STEAP3: variants seen among roughly 807,000 people sequenced by gnomAD.
STEAP3 encodes metalloreductase STEAP3.
STEAP3 carries 35 observed loss-of-function variants against 34.9 expected under a neutral mutation model. The ratio of observed to expected loss-of-function variants is 1.00; its 90% CI spans 0.76 to 1.33. The LOEUF (loss-of-function observed/expected upper bound fraction) is 1.33, where lower values mean the gene tolerates loss of function less well. STEAP3 is among the 40% of genes most tolerant of loss of function. STEAP3 has a pLI of 0.00. For missense variants in STEAP3, 652 were observed against 667.6 expected, an observed-to-expected ratio of 0.98 and a Z score of 0.26; for synonymous variants, 281 against 301.6, an observed-to-expected ratio of 0.93 and a Z score of 0.71.
chr2:119,230,828 C>A lies in STEAP3; in HGVS notation c.-185C>A. 1 of 709,224 alleles carries A rather than the reference C, an allele frequency of 1.4e-6. No individual in the cohort carries two copies. The highest frequency in any genetic ancestry group is 2.4e-6 in the Non-Finnish European group (1 of 408,550). The allele number at this position is 709,224 out of a possible 1,614,324, so 43.9% of individuals were successfully genotyped here. A position where few individuals can be genotyped will look rare whatever the true frequency, so the allele number is the denominator to read the frequency against. On this transcript the variant is annotated 5_prime_UTR_variant, in exon 2 of 6. In the 5' UTR this introduces an upstream ATG that the reference lacks. Transcript: ENST00000393110. ...CCGGTCCAGCCCCTGTGGCCAAGAG[C>A]TGGCGTGCAGGCTGCGGGAGGCAGC...
chr2:119,263,366 G>C lies in STEAP3; in HGVS notation c.*28G>C. 6.2e-7 allele frequency: 1 copy of C among 1,602,768 alleles called. No individual in the cohort carries two copies. The highest frequency in any genetic ancestry group is 8.5e-7 in the Non-Finnish European group (1 of 1,175,042). On this transcript the variant is annotated 3_prime_UTR_variant, in exon 6 of 6. Transcript: ENST00000393110. Reference sequence around the variant, plus strand: ...TGCCTGCCCTGGGCTCTGGACCCCGGGCACACGAGGGACGGTGCCCTGAGC... The same window carrying C: ...TGCCTGCCCTGGGCTCTGGACCCCGCGCACACGAGGGACGGTGCCCTGAGC...
intron 2 of STEAP3, among the ~76,000 whole-genome samples, chr2:119,239,853 G>A (rs1225421830): frequency 6.6e-6 from 1 of 152,158 alleles, no homozygotes; most frequent in East Asian, 1.9e-4. Flanking sequence ...GGATTAGGGA[G>A]GACATACAGA....
Position 119,263,426 on chromosome 2 carries a change from G to T in STEAP3, c.*88G>T. On this transcript the variant is annotated 3_prime_UTR_variant, in exon 6 of 6. Transcript: ENST00000393110. The stretch of plus-strand genomic sequence containing the variant: ...TTTCTTTTCTTGGTGGTGCAAAGTG[G>T]TATAACTGTGTGCAAATAGGAGGTT... 1 of 1,532,500 alleles carries T rather than the reference G, an allele frequency of 6.5e-7. No homozygotes were observed. Among genetic ancestry groups the T allele is most frequent in the Non-Finnish European group, 8.8e-7 (1 of 1,138,652 alleles). The allele number at this position is 1,532,500 out of a possible 1,614,324, so 94.9% of individuals were successfully genotyped here. A position where few individuals can be genotyped will look rare whatever the true frequency, so the allele number is the denominator to read the frequency against.
chr2:119,245,168 C>T, intron 2 of STEAP3: 1 of 358,378 alleles, frequency 2.8e-6, no homozygotes, highest in Non-Finnish European at 5.1e-6. Flanking sequence ...GGCACTGCAT[C>T]ACATTGGTCA....
At chr2:119,227,914 C>T (rs1487071073) in intron 1 of STEAP3, among the ~76,000 whole-genome samples, 1 of 152,104 alleles carries the variant, frequency 6.6e-6, no homozygotes, top group Admixed American at 6.6e-5. Context: ...ACTGCAACCT[C>T]TGCCTCCCGA....
chr2:119,245,402 T>A, intron 2 of STEAP3, 87 bp from the exon 3 acceptor site: 1 of 1,506,370 alleles, frequency 6.6e-7, no homozygotes, highest in Non-Finnish European at 8.9e-7. Context: ...CTGACTGCCG[T>A]GTAGTTACGA....
intron 2 of STEAP3, among the ~76,000 whole-genome samples, chr2:119,236,093 G>C (rs1162184945): frequency 6.6e-6 from 1 of 152,182 alleles, no homozygotes; most frequent in Non-Finnish European, 1.5e-5. Flanking sequence ...CATTATCTTA[G>C]AGCACATTTT....
chr2:119,229,658 G>A (rs1558741183), intron 1 of STEAP3, among the ~76,000 whole-genome samples: 1 of 152,200 alleles, frequency 6.6e-6, no homozygotes, highest in African/African-American at 2.4e-5. Flanking sequence ...TGAATTCAAA[G>A]CCGGGAGAGA....
Position 119,231,008 on chromosome 2 carries a change from G to GC in STEAP3, c.-3dup. The GC allele has an allele frequency of 6.2e-7, 1 of 1,614,222 alleles. No homozygotes were observed. Among genetic ancestry groups the GC allele is most frequent in the Non-Finnish European group, 8.5e-7 (1 of 1,180,046 alleles). ...CTGAGAGCCTCAGACCCTCACGTCA[G>GC]CCGGATGTCGCACCAGCCTGCTGTT... On this transcript the variant is annotated 5_prime_UTR_variant, in exon 2 of 6. Transcript: ENST00000393110.
At position 119,254,751 on chromosome 2, in the gene STEAP3, T is replaced by G. The variant is rs1677726114; in HGVS notation, c.1118T>G (p.Leu373Arg). The G allele has an allele frequency of 6.2e-7, 1 of 1,614,052 alleles. No homozygotes were observed. Among genetic ancestry groups the G allele is most frequent in the Non-Finnish European group, 8.5e-7 (1 of 1,180,028 alleles). Residue 373 changes from leucine (L) to arginine (R), a missense_variant, in exon 5 of 6, where the codon CTG becomes CGG. By Grantham distance (102) the Leu-to-Arg change is moderately radical (BLOSUM62 -2). Transcript: ENST00000393110. ...TGGCGGATGGAGATCTACCTCTCCCTGGGAGTGCTGGCCCTCGGCACGTTG... is the reference window on the plus strand; with the variant it reads ...TGGCGGATGGAGATCTACCTCTCCCGGGGAGTGCTGGCCCTCGGCACGTTG... ...EVWRMEIYLS[L>R]GVLALGTLSL...
At chr2:119,224,755 T>C (rs1178087397) in intron 1 of STEAP3, among the ~76,000 whole-genome samples, 1 of 152,142 alleles carries the variant, frequency 6.6e-6, no homozygotes, top group African/African-American at 2.4e-5. Context: ...GGTATTTCTG[T>C]CCATCAGAGT....
Position 119,248,215 on chromosome 2 carries a change from C to G in STEAP3, c.1050+9C>G. The G allele has an allele frequency of 6.4e-7, 1 of 1,566,202 alleles. No homozygotes were observed. Among genetic ancestry groups the G allele is most frequent in the Non-Finnish European group, 8.7e-7 (1 of 1,154,708 alleles). ...ACCTGGCAGTCAAGCAGGTACCCAC[C>G]CCATGCCCTTCCTCCCTCTGGCAAC... On this transcript the variant is annotated intron_variant, in intron 4 of 5. Transcript: ENST00000393110.
At chr2:119,259,245 T>C (rs1677873330) in intron 5 of STEAP3, among the ~76,000 whole-genome samples, 1 of 152,232 alleles carries the variant, frequency 6.6e-6, no homozygotes, top group Admixed American at 6.5e-5. Flanking sequence ...ACGACCTGGC[T>C]GTTTCTTTTT....
Position 119,245,857 on chromosome 2 carries a change from G to C in STEAP3, c.391G>C (p.Glu131Gln). ...GGATGTGAGCAACCCTACAGAGCAA[G>C]AGCACCTTCAGCATCGTGAGTCCAA... The part of the protein sequence containing the change: ...LVDVSNPTEQ[E>Q]HLQHRESNAE... Residue 131 changes from glutamate to glutamine, a missense_variant, in exon 3 of 6, where the codon GAG (glutamate) becomes CAG (glutamine). By Grantham distance (29) the Glu-to-Gln change is conservative (BLOSUM62 2). Transcript: ENST00000393110. 6.2e-7 allele frequency: 1 copy of C among 1,614,166 alleles called. No individual in the cohort carries two copies. The highest frequency in any genetic ancestry group is 1.3e-5 in the African/African-American group (1 of 75,052).
chr2:119,261,233 G>T (rs540163073), intron 5 of STEAP3, among the ~76,000 whole-genome samples: 9 of 152,240 alleles, frequency 5.9e-5, no homozygotes, highest in Non-Finnish European at 8.8e-5. Context: ...TCTGAGGGGA[G>T]TGCAAATGAG....
At position 119,263,288 on chromosome 2, in the gene STEAP3, T is replaced by C. The variant is rs1678002851; in HGVS notation, c.1447T>C (p.Phe483Leu). ...CTGGGAGAGGGAGAGCACCATCAAG[T>C]TCACGCTGCCCACAGACCACGCCCT... ...RGWERESTIK[F>L]TLPTDHALAE... is the part of the protein sequence containing the mutation. The change falls in exon 6 of 6, where the codon TTC becomes CTC. Residue 483 changes from phenylalanine (F) to leucine (L), a missense_variant. Coordinates refer to ENST00000393110, the MANE Select transcript of STEAP3 (RefSeq NM_182915.3). 1.2e-6 allele frequency: 2 copies of C among 1,613,802 alleles called. No homozygotes were observed. Among genetic ancestry groups the C allele is most frequent in the Non-Finnish European group, 1.7e-6 (2 of 1,179,960 alleles).
rs1677386643 is a variant in STEAP3, at chr2:119,245,543, A to T, written c.77A>T (p.Asp26Val). The T allele has an allele frequency of 6.2e-7, 1 of 1,600,490 alleles. No homozygotes were observed. The highest frequency in any genetic ancestry group is 8.6e-7 in the Non-Finnish European group (1 of 1,169,012). Residue 26 changes from aspartate to valine, a missense_variant, in exon 3 of 6, where the codon GAC (aspartate) becomes GTC (valine). Physicochemically the swap from Asp to Val is radical, Grantham distance 152. Transcript: ENST00000393110. ...DKPLISLHLV[D>V]SDSSLAKVPD... ...CCACTGATCAGCCTCCACCTGGTGG[A>T]CAGCGATAGTAGCCTTGCCAAGGTC... is the stretch of plus-strand genomic sequence containing the variant.
chr2:119,236,388 T>G (rs1369678800), intron 2 of STEAP3, among the ~76,000 whole-genome samples: 3 of 152,070 alleles, frequency 2.0e-5, no homozygotes, highest in Non-Finnish European at 4.4e-5. Context: ...TAGCAAGTGG[T>G]CTGGTGGGAT....
chr2:119,244,102 A>G (rs1677332334), intron 2 of STEAP3, among the ~76,000 whole-genome samples: 1 of 152,232 alleles, frequency 6.6e-6, no homozygotes, highest in African/African-American at 2.4e-5. Context: ...ATGGAAACAC[A>G]GCGAAAATAT....
Sources: gnomAD v4.1 joint callset for allele counts (sites outside exome capture counted in the v4.1 genomes callset) on GRCh38, gnomAD v4.1.1 for gene constraint, MANE v1.5 for transcripts, NCBI Gene and HGNC (gene_info 2026-07-23, HGNC 2026-07-21) for gene names.